The following DOCK2 variants were observed in gnomAD, a reference collection of about 807,000 sequenced individuals.
The protein encoded by DOCK2 is dedicator of cytokinesis protein 2.
A neutral mutation model predicts 248.9 loss-of-function variants in DOCK2; 87 were observed. The observed-to-expected ratio is 0.35, with a 90% CI of 0.29 to 0.42. The LOEUF (loss-of-function observed/expected upper bound fraction) is 0.42, where lower values mean the gene tolerates loss of function less well. Among genes scored for constraint, DOCK2 ranks in the 10% least tolerant of loss-of-function variants. DOCK2 has a pLI of 1.00. For synonymous variants in DOCK2, 805 were observed against 821.6 expected (o/e 0.98, Z 0.35); for missense variants, 1,747 against 2,300.2 (o/e 0.76, Z 4.92).
Position 169,714,176 on chromosome 5 carries a change from C to G in DOCK2, c.1808C>G (p.Ser603Cys). Residue 603 changes from serine to cysteine, a missense_variant, in exon 18 of 52, where the codon TCC becomes TGC. By Grantham distance (112) the Ser-to-Cys change is moderately radical (BLOSUM62 -1). Coordinates refer to ENST00000520908, the MANE Select transcript of DOCK2 (RefSeq NM_004946.3). The stretch of plus-strand genomic sequence containing the variant: ...AGCTCCCGGGATGTGTTCTCCATTT[C>G]CACCCTGGTGTGCTCCACAAAGCTC... ...SVSSRDVFSI[S>C]TLVCSTKLTQ... is the part of the protein sequence containing the mutation. The G allele has an allele frequency of 6.2e-7, 1 of 1,612,834 alleles. No homozygotes were observed. Among genetic ancestry groups the G allele is most frequent in the Non-Finnish European group, 8.5e-7 (1 of 1,179,252 alleles).
At chr5:169,850,833 G>A (rs1260854670) in intron 27 of DOCK2, among the ~76,000 whole-genome samples, 1 of 152,184 alleles carries the variant, frequency 6.6e-6, no homozygotes, top group African/African-American at 2.4e-5. Flanking sequence ...ACTGGAACTG[G>A]GTCTTGAATG....
intron 38 of DOCK2, among the ~76,000 whole-genome samples, chr5:170,045,393 C>G (rs1398208659): frequency 6.6e-6 from 1 of 152,156 alleles, no homozygotes; most frequent in Non-Finnish European, 1.5e-5. Context: ...ACGTGGGAGG[C>G]AGGGACTGAA....
At chr5:170,019,253 C>T in intron 33 of DOCK2, 145 bp downstream of exon 33, 1 of 1,277,222 alleles carries the variant, frequency 7.8e-7, no homozygotes, top group Non-Finnish European at 1.1e-6. Context: ...CCGGAATGAG[C>T]TGGCAGATCA....
At chr5:170,023,303 T>A (rs200389283) in intron 33 of DOCK2, among the ~76,000 whole-genome samples, 1 of 152,202 alleles carries the variant, frequency 6.6e-6, no homozygotes, top group East Asian at 1.9e-4. Context: ...ATTGAATTAA[T>A]TAATAGACGG....
chr5:169,740,449 G>A (rs1157233323), intron 22 of DOCK2, among the ~76,000 whole-genome samples: 1 of 152,046 alleles, frequency 6.6e-6, no homozygotes, highest in African/African-American at 2.4e-5. Context: ...TTCTTTCCTG[G>A]TGTTATTTAC....
At chr5:169,997,341 C>T in intron 30 of DOCK2, among the ~76,000 whole-genome samples, 1 of 142,912 alleles carries the variant, frequency 7.0e-6, no homozygotes, top group Non-Finnish European at 1.5e-5. Flanking sequence ...CAGGGACAGG[C>T]AGGAGACAGA....
intron 44 of DOCK2, among the ~76,000 whole-genome samples, chr5:170,060,558 G>T (rs1417295135): frequency 6.6e-6 from 1 of 152,174 alleles, no homozygotes; most frequent in Admixed American, 6.5e-5. Context: ...GATTCTTCCT[G>T]GTTCTTGTCT....
chr5:169,905,044 C>A (rs574571037), intron 27 of DOCK2, among the ~76,000 whole-genome samples: 3 of 152,164 alleles, frequency 2.0e-5, no homozygotes, highest in Admixed American at 6.5e-5. Context: ...TCATGACACT[C>A]TCATGGGGCT....
Position 169,985,912 on chromosome 5 carries a change from G to A in DOCK2, c.2983G>A (p.Val995Ile). Residue 995 changes from valine (V) to isoleucine (I), a missense_variant, in exon 29 of 52, where the codon GTT becomes ATT. This residue lies in a region of DOCK2 where 858 missense variants were observed against 1,183.5 expected (regional missense o/e 0.72). Transcript: ENST00000520908. Reference protein sequence around the residue: ...YPGDWMAMSMVQNRVFLRAIN... With the variant: ...YPGDWMAMSMIQNRVFLRAIN... Reference sequence around the variant, plus strand: ...TGGAGACTGGATGGCCATGAGCATGGTTCAAAACAGGTGAGCTGCTACCTG... The same window carrying A: ...TGGAGACTGGATGGCCATGAGCATGATTCAAAACAGGTGAGCTGCTACCTG... 3.1e-6 allele frequency: 5 copies of A among 1,607,158 alleles called. No homozygotes were observed. The highest frequency in any genetic ancestry group is 4.3e-6 in the Non-Finnish European group (5 of 1,175,848).
intron 38 of DOCK2, among the ~76,000 whole-genome samples, chr5:170,044,032 C>T (rs138278297): frequency 2.0e-5 from 3 of 152,332 alleles, no homozygotes; most frequent in South Asian, 2.1e-4. Flanking sequence ...CAGATGGGTA[C>T]AGCTTACCCT....
chr5:169,929,024 C>A (rs111640147), intron 27 of DOCK2, among the ~76,000 whole-genome samples: 12 of 152,268 alleles, frequency 7.9e-5, no homozygotes, highest in African/African-American at 2.9e-4. Context: ...CATCTTTGTG[C>A]CCTGAGAAGA....
intron 32 of DOCK2, among the ~76,000 whole-genome samples, chr5:170,018,111 T>C (rs1755597956): frequency 6.6e-6 from 1 of 152,186 alleles, no homozygotes; most frequent in Non-Finnish European, 1.5e-5. Context: ...AAAGATATCA[T>C]TTCAAAATTG....
intron 2 of DOCK2, among the ~76,000 whole-genome samples, chr5:169,659,527 T>C (rs534436815): frequency 6.3e-4 from 96 of 152,166 alleles, no homozygotes; most frequent in Non-Finnish European, 8.1e-4. Flanking sequence ...TCCTTGCCTA[T>C]GTACTAAATT....
At chr5:169,925,450 T>A (rs1775389038) in intron 27 of DOCK2, among the ~76,000 whole-genome samples, 1 of 151,870 alleles carries the variant, frequency 6.6e-6, no homozygotes, top group Non-Finnish European at 1.5e-5. Flanking sequence ...CGTGGTGTTG[T>A]GCACCTGTAA....
rs150182906 is a variant in DOCK2 at position 169,669,294 on chromosome 5, A to G, written c.134A>G (p.Tyr45Cys). The G allele has an allele frequency of 4.6e-5, 74 of 1,614,168 alleles. 1 individual carries two copies. The South Asian group carries it at 5.4e-4, about 12-fold the overall frequency. ...VRIQETCGDWYRGYLIKHKML... is the reference protein window; with the variant it reads ...VRIQETCGDWCRGYLIKHKML... ...CTTTGTTTTCTTTTTGCAGACTGGT[A>G]TAGGGGATACCTCATAAAGCACAAA... The change falls in exon 3 of 52, where the codon TAT becomes TGT. Residue 45 changes from tyrosine to cysteine, a missense_variant. By Grantham distance (194) the Tyr-to-Cys change is radical (BLOSUM62 -2). Around this residue, in one of 4 missense-constraint regions of DOCK2, gnomAD observed 375 missense variants for 510.9 expected, o/e 0.73. Transcript: ENST00000520908.
chr5:169,737,427 G>C (rs1477281292), intron 22 of DOCK2, among the ~76,000 whole-genome samples: 1 of 152,134 alleles, frequency 6.6e-6, no homozygotes, highest in Non-Finnish European at 1.5e-5. Context: ...ATTATGAAGT[G>C]TATACTTGGT....
intron 27 of DOCK2, among the ~76,000 whole-genome samples, chr5:169,926,187 G>GATAGGTAGACGCAGGCCCAGTGC (rs1775444094): frequency 6.6e-6 from 1 of 152,174 alleles, no homozygotes; most frequent in African/African-American, 2.4e-5. Context: ...CATGGATGTG[G>GATAGGTAGACGCAGGCCCAGTGC]ATAGGTAGAC....
At chr5:169,883,594 C>T in intron 27 of DOCK2, 1 of 1,551,636 alleles carries the variant, frequency 6.4e-7, no homozygotes, top group Non-Finnish European at 8.7e-7. Flanking sequence ...CTTCCTGAGA[C>T]TGGGGGAAGT....
intron 38 of DOCK2, among the ~76,000 whole-genome samples, chr5:170,043,798 C>T (rs777055365): frequency 1.3e-5 from 2 of 152,204 alleles, no homozygotes; most frequent in Non-Finnish European, 2.9e-5. Flanking sequence ...TAAAAGTACA[C>T]GTTGAGCTTT....
Sources: gnomAD v4.1 joint callset for allele counts (sites outside exome capture counted in the v4.1 genomes callset) on GRCh38, gnomAD v4.1.1 for gene constraint, gnomAD v4.1.1 regional missense constraint, MANE v1.5 for transcripts, NCBI Gene and HGNC (gene_info 2026-07-23, HGNC 2026-07-21) for gene names.